SPMIP2: variants seen among roughly 807,000 people sequenced by gnomAD.
SPMIP2 encodes the protein protein SPMIP2.
the SPMIP2 span, among the ~76,000 whole-genome samples, chr4:158,963,077 G>A: frequency 6.6e-6 from 1 of 152,002 alleles, no homozygotes; most frequent in Non-Finnish European, 1.5e-5. Flanking sequence ...GCTTTCTGGG[G>A]AGTATCTAAA....
the SPMIP2 span, among the ~76,000 whole-genome samples, chr4:158,943,122 G>A: frequency 2.6e-5 from 4 of 152,128 alleles, no homozygotes; most frequent in South Asian, 2.1e-4. Context: ...AATGCTTACC[G>A]CTGCAGTCTG....
chr4:158,915,832 A>G, the SPMIP2 span, among the ~76,000 whole-genome samples: 1 of 152,324 alleles, frequency 6.6e-6, no homozygotes, highest in Middle Eastern at 3.4e-3. Flanking sequence ...TTCCCTGGTG[A>G]GATCCTTGGC....
At chr4:159,053,189 C>G in the SPMIP2 span, among the ~76,000 whole-genome samples, 1 of 150,816 alleles carries the variant, frequency 6.6e-6, no homozygotes, top group African/African-American at 2.4e-5. Context: ...ATCTCCTGAC[C>G]TCGTGATCCG....
At chr4:159,012,566 A>G in the SPMIP2 span, among the ~76,000 whole-genome samples, 4 of 86,094 alleles carry the variant, frequency 4.6e-5, no homozygotes, top group Non-Finnish European at 9.1e-5. Context: ...CTATCACCAC[A>G]GTATGTTGAA....
the SPMIP2 span, among the ~76,000 whole-genome samples, chr4:159,052,167 C>A: frequency 2.5e-3 from 382 of 152,310 alleles, 2 homozygotes; most frequent in Non-Finnish European, 3.2e-3. Context: ...AGACGTCTCA[C>A]ACTGACGGCC....
the SPMIP2 span, chr4:158,905,779 A>T: frequency 5.3e-5 from 8 of 152,242 alleles, no homozygotes; most frequent in Admixed American, 3.9e-4. Context: ...ATGTACTGAC[A>T]TCCAGGGTAA....
At chr4:159,054,035 G>A in the SPMIP2 span, among the ~76,000 whole-genome samples, 1 of 152,172 alleles carries the variant, frequency 6.6e-6, no homozygotes, top group Non-Finnish European at 1.5e-5. Flanking sequence ...GTATAGTGGT[G>A]CAATCGTCAC....
the SPMIP2 span, chr4:158,960,440 G>T: frequency 1.5e-6 from 1 of 665,574 alleles, no homozygotes; most frequent in South Asian, 2.1e-5. Flanking sequence ...AAGTCAGGTT[G>T]GGAAATGAAA....
At chr4:159,043,790 A>T in the SPMIP2 span, among the ~76,000 whole-genome samples, 6 of 152,320 alleles carry the variant, frequency 3.9e-5, no homozygotes, top group African/African-American at 1.4e-4. Context: ...GACTAAGCAC[A>T]ATTTACAGCA....
At chr4:158,957,887 T>C in the SPMIP2 span, among the ~76,000 whole-genome samples, 2 of 152,252 alleles carry the variant, frequency 1.3e-5, no homozygotes, top group Admixed American at 6.5e-5. Flanking sequence ...TCGGGTCAGA[T>C]GTTAACTTTT....
At chr4:158,976,883 A>G in the SPMIP2 span, among the ~76,000 whole-genome samples, 1 of 151,900 alleles carries the variant, frequency 6.6e-6, no homozygotes, top group African/African-American at 2.4e-5. Context: ...GATGGTCTCA[A>G]TCTCTTGACC....
the SPMIP2 span, among the ~76,000 whole-genome samples, chr4:158,902,838 A>G: frequency 2.6e-5 from 4 of 151,878 alleles, no homozygotes; most frequent in Admixed American, 2.6e-4. Context: ...CCCTCCCCCA[A>G]CCAACCTCAA....
At chr4:158,901,991 A>G in the SPMIP2 span, among the ~76,000 whole-genome samples, 2 of 151,948 alleles carry the variant, frequency 1.3e-5, no homozygotes, top group African/African-American at 2.4e-5. Flanking sequence ...ACTTCTGTCA[A>G]TTCATCAAAC....
chr4:158,981,140 A>G, the SPMIP2 span, among the ~76,000 whole-genome samples: 1 of 152,218 alleles, frequency 6.6e-6, no homozygotes, highest in East Asian at 1.9e-4. Context: ...ATAAAGCATG[A>G]AGACAAGATT....
chr4:158,981,897 G>A, the SPMIP2 span, among the ~76,000 whole-genome samples: 1 of 149,556 alleles, frequency 6.7e-6, no homozygotes, highest in Non-Finnish European at 1.5e-5. Flanking sequence ...AATGTAAATG[G>A]GTTAAATGCC....
At chr4:159,000,052 G>C in the SPMIP2 span, among the ~76,000 whole-genome samples, 2 of 151,906 alleles carry the variant, frequency 1.3e-5, no homozygotes, top group South Asian at 4.2e-4. Flanking sequence ...GCTTTATTGA[G>C]ATGTAATTGA....
chr4:158,899,227 A>T, the SPMIP2 span, among the ~76,000 whole-genome samples: 2 of 152,034 alleles, frequency 1.3e-5, no homozygotes, highest in African/African-American at 4.8e-5. Context: ...AAGCTTTTTG[A>T]TGTGCTGCTG....
the SPMIP2 span, among the ~76,000 whole-genome samples, chr4:159,047,289 T>C: frequency 2.0e-5 from 3 of 152,192 alleles, no homozygotes; most frequent in Non-Finnish European, 2.9e-5. Flanking sequence ...TACTTAATCC[T>C]AACAGAAAAG....
the SPMIP2 span, among the ~76,000 whole-genome samples, chr4:159,071,822 C>T: frequency 2.0e-5 from 3 of 152,060 alleles, no homozygotes; most frequent in East Asian, 3.9e-4. Context: ...TTCCAAAATC[C>T]TGGGTTGCAG....
Sources: gnomAD v4.1 joint callset for allele counts (sites outside exome capture counted in the v4.1 genomes callset) on GRCh38, gnomAD v4.1.1 for gene constraint, MANE v1.5 for transcripts, NCBI Gene and HGNC (gene_info 2026-07-23, HGNC 2026-07-21) for gene names.